ADAMTS17: variants seen among roughly 807,000 people sequenced by gnomAD.
ADAMTS17 encodes the protein A disintegrin and metalloproteinase with thrombospondin motifs 17.
Under a neutral mutation model 141.5 loss-of-function variants are expected in ADAMTS17, and 113 were observed. The ratio of observed to expected loss-of-function variants is 0.80; its 90% CI spans 0.69 to 0.93. The LOEUF (loss-of-function observed/expected upper bound fraction) is 0.93, where lower values mean the gene tolerates loss of function less well. Among genes scored for constraint, ADAMTS17 ranks in the 40% least tolerant of loss-of-function variants. ADAMTS17 has a pLI of 0.00. For synonymous variants in ADAMTS17, 768 were observed against 630.6 expected (o/e 1.22, Z -3.27); for missense variants, 1,659 against 1,517.9 (o/e 1.09, Z -1.54).
At chr15:99,984,967 A>C (rs2060555550) in intron 20 of ADAMTS17, among the ~76,000 whole-genome samples, 1 of 152,224 alleles carries the variant, frequency 6.6e-6, no homozygotes, top group African/African-American at 2.4e-5. Flanking sequence ...AGATGGAGGC[A>C]CTGGCCTTTG....
chr15:100,203,509 T>C (rs559468760), intron 7 of ADAMTS17, among the ~76,000 whole-genome samples: 2 of 152,052 alleles, frequency 1.3e-5, no homozygotes, highest in African/African-American at 4.8e-5. Flanking sequence ...ATCGAGACCA[T>C]CCTGGCTAAC....
intron 10 of ADAMTS17, among the ~76,000 whole-genome samples, chr15:100,145,646 T>C (rs2038865760): frequency 6.6e-6 from 1 of 152,152 alleles, no homozygotes; most frequent in African/African-American, 2.4e-5. Context: ...AGAACCCTAA[T>C]GTAATGAGAA....
chr15:100,163,235 CAGAT>C (rs1234483749), intron 8 of ADAMTS17, among the ~76,000 whole-genome samples: 1 of 151,918 alleles, frequency 6.6e-6, no homozygotes, highest in Non-Finnish European at 1.5e-5. Context: ...CTTATTGAGA[CAGAT>C]AAAGAGAGAC....
In ADAMTS17 at chr15:99,976,163, G is replaced by T; in HGVS notation, c.3009C>A (p.Val1003=). ...GGCACTCGCTGCCGTGGCGCCCTGTGACCTTGTGCATGCACTGCACCACCC... is the reference window on the plus strand; with the variant it reads ...GGCACTCGCTGCCGTGGCGCCCTGTTACCTTGTGCATGCACTGCACCACCC... ...QSRVVQCMHK[V]TGRHGSECPA... is the part of the protein sequence containing the mutation. The change falls in exon 21 of 22, where the codon GTC becomes GTA. Residue 1003 remains valine (V), a synonymous_variant. Transcript: ENST00000268070. 1 of 1,550,590 alleles carries T rather than the reference G, an allele frequency of 6.4e-7. No individual in the cohort carries two copies.
chr15:100,256,652 G>C (rs984165698), intron 6 of ADAMTS17: 1 of 152,446 alleles, frequency 6.6e-6, no homozygotes, highest in Admixed American at 6.5e-5. Flanking sequence ...TTATGCTGGA[G>C]GGGAAGGTCT....
chr15:100,152,588 GC>G, intron 10 of ADAMTS17, 23 bp downstream of exon 10: 1 of 1,595,716 alleles, frequency 6.3e-7, no homozygotes, highest in Non-Finnish European at 8.5e-7. Flanking sequence ...TCTGTCCCGA[GC>G]CAGCCCTCCC....
rs569564154 is a variant in ADAMTS17, at chr15:100,213,172, T to C, written c.1076-13749A>G. ...CTGGTCCCAACTGCAGGGCCTTTAT[T>C]GTATCTTGGTATGTTTAACTGAATT... On this transcript the variant is annotated intron_variant, in intron 7 of 21. Transcript: ENST00000268070. Among the ~76,000 whole-genome samples the C allele has an allele frequency of 2.0e-5, 3 of 152,270 alleles. No individual in the cohort carries two copies. The South Asian group carries it at 6.2e-4, about 32-fold the overall frequency.
At chr15:100,213,887 T>C (rs553968674) in intron 7 of ADAMTS17, among the ~76,000 whole-genome samples, 1 of 152,356 alleles carries the variant, frequency 6.6e-6, no homozygotes, top group Non-Finnish European at 1.5e-5. Context: ...CAGATAGAGG[T>C]GCTGAGCCCC....
At chr15:100,223,696 T>C (rs2042207739) in intron 7 of ADAMTS17, among the ~76,000 whole-genome samples, 1 of 151,872 alleles carries the variant, frequency 6.6e-6, no homozygotes, top group African/African-American at 2.4e-5. Context: ...TGTGTATATA[T>C]ACATGTATAT....
chr15:99,988,945 A>C (rs2060642036), intron 20 of ADAMTS17, among the ~76,000 whole-genome samples: 1 of 152,196 alleles, frequency 6.6e-6, no homozygotes, highest in Non-Finnish European at 1.5e-5. Flanking sequence ...TCCTTGTACC[A>C]GGAAGGTCAA....
At position 100,051,613 on chromosome 15, in the gene ADAMTS17, G is replaced by C. The variant is rs747859910; in HGVS notation, c.2414C>G (p.Thr805Ser). Residue 805 changes from threonine (T) to serine (S), a missense_variant, in exon 17 of 22, where the codon ACC (threonine) becomes AGC (serine). Physicochemically the swap from Thr to Ser is moderately conservative, Grantham distance 58. Transcript: ENST00000268070. ...ACTGCACCCTTCCCAGCCGCTGTGG[G>C]TCCAGATGAACAAAGAGTCCTGCGG... ...EKPQDSLFIWTHSGWEGCSVQ... is the reference protein window; with the variant it reads ...EKPQDSLFIWSHSGWEGCSVQ... The C allele has an allele frequency of 6.2e-7, 1 of 1,614,092 alleles. No homozygotes were observed. Among genetic ancestry groups the C allele is most frequent in the Non-Finnish European group, 8.5e-7 (1 of 1,179,992 alleles).
intron 10 of ADAMTS17, among the ~76,000 whole-genome samples, chr15:100,134,774 G>A (rs566689553): frequency 3.9e-5 from 6 of 152,318 alleles, no homozygotes; most frequent in Middle Eastern, 3.4e-3. Flanking sequence ...CATTTTTCAC[G>A]TATGTCGGAG....
intron 18 of ADAMTS17, among the ~76,000 whole-genome samples, chr15:100,014,487 T>C (rs963377692): frequency 6.6e-6 from 1 of 152,210 alleles, no homozygotes; most frequent in African/African-American, 2.4e-5. Context: ...CTTTCTGATG[T>C]AGATGTTTAG....
intron 18 of ADAMTS17, among the ~76,000 whole-genome samples, chr15:100,004,979 C>G (rs574843199): frequency 6.6e-6 from 1 of 152,368 alleles, no homozygotes; most frequent in African/African-American, 2.4e-5. Context: ...TGGTCTTGAA[C>G]TCCTGGCATC....
Position 100,190,257 on chromosome 15 carries a change from G to C in ADAMTS17, c.1181+9061C>G, listed in dbSNP as rs1448914378. Among the ~76,000 whole-genome samples, 3 of 152,192 alleles carry C rather than the reference G, an allele frequency of 2.0e-5. No homozygotes were observed. The East Asian group carries it at 5.8e-4, about 29-fold the overall frequency. On this transcript the variant is annotated intron_variant, in intron 8 of 21. Transcript: ENST00000268070. ...GAAACCACCATCTGTGCTCTGCTCT[G>C]ATGTCAGGAACAAAGTGCATGATTC...
intron 15 of ADAMTS17, among the ~76,000 whole-genome samples, chr15:100,087,544 AT>A (rs1440937235): frequency 6.6e-6 from 1 of 152,198 alleles, no homozygotes; most frequent in Non-Finnish European, 1.5e-5. Flanking sequence ...AAAAAAGAGA[AT>A]TTTAGACCAA....
intron 15 of ADAMTS17, among the ~76,000 whole-genome samples, chr15:100,068,503 A>T (rs2033722911): frequency 6.6e-6 from 1 of 152,224 alleles, no homozygotes; most frequent in Admixed American, 6.5e-5. Flanking sequence ...GGCACCCCCC[A>T]GTAGGGGCAG....
At chr15:100,163,100 C>G (rs1315613864) in intron 8 of ADAMTS17, among the ~76,000 whole-genome samples, 1 of 150,074 alleles carries the variant, frequency 6.7e-6, no homozygotes, top group Admixed American at 6.7e-5. Context: ...CTATATAGTT[C>G]TCTATAGGTA....
chr15:100,251,807 G>A (rs980393138), intron 7 of ADAMTS17, among the ~76,000 whole-genome samples: 24 of 152,188 alleles, frequency 1.6e-4, no homozygotes, highest in Non-Finnish European at 3.5e-4. Flanking sequence ...TATGACTGGC[G>A]TCCTTTATAA....
Sources: gnomAD v4.1 joint callset for allele counts (sites outside exome capture counted in the v4.1 genomes callset) on GRCh38, gnomAD v4.1.1 for gene constraint, MANE v1.5 for transcripts, NCBI Gene and HGNC (gene_info 2026-07-23, HGNC 2026-07-21) for gene names.